The following LOC400499 variants were observed in gnomAD, a reference collection of about 807,000 sequenced individuals.
At chr16:11,393,003 C>G in the LOC400499 span, among the ~76,000 whole-genome samples, 1 of 152,228 alleles carries the variant, frequency 6.6e-6, no homozygotes, top group East Asian at 1.9e-4. Context: ...TACAGGCACC[C>G]GCTACTGTGC....
At chr16:11,390,281 G>T in the LOC400499 span, 1 of 1,232,722 alleles carries the variant, frequency 8.1e-7, no homozygotes. Flanking sequence ...TCACTCACCA[G>T]CTCCAGGGCT....
the LOC400499 span, among the ~76,000 whole-genome samples, chr16:11,516,899 A>C: frequency 1.3e-5 from 2 of 152,204 alleles, no homozygotes; most frequent in Non-Finnish European, 2.9e-5. Flanking sequence ...CTCCAGCCTC[A>C]GCCTCCAAAG....
At chr16:11,521,103 T>C in the LOC400499 span, among the ~76,000 whole-genome samples, 1 of 152,306 alleles carries the variant, frequency 6.6e-6, no homozygotes, top group South Asian at 2.1e-4. Flanking sequence ...CTCTGACATA[T>C]TGGACACTTT....
chr16:11,407,967 G>C, the LOC400499 span, among the ~76,000 whole-genome samples: 82 of 136,410 alleles, frequency 6.0e-4, no homozygotes, highest in African/African-American at 2.3e-3. Context: ...ATGTTCCAGA[G>C]CTGTTTTTTT....
At chr16:11,378,631 A>G in the LOC400499 span, among the ~76,000 whole-genome samples, 305 of 152,268 alleles carry the variant, frequency 2.0e-3, 1 homozygote, top group Non-Finnish European at 3.6e-3. Flanking sequence ...GCTGCATCCC[A>G]TAAGATTTCA....
the LOC400499 span, chr16:11,449,013 G>C: frequency 3.3e-6 from 5 of 1,524,474 alleles, no homozygotes; most frequent in South Asian, 2.4e-5. Context: ...GCTGTTCTCA[G>C]CATGGATCTC....
chr16:11,419,108 G>GAGCTTGCAA, the LOC400499 span, among the ~76,000 whole-genome samples: 580 of 151,604 alleles, frequency 3.8e-3, 5 homozygotes, highest in African/African-American at 0.014. Flanking sequence ...GGAGCTTGCA[G>GAGCTTGCAA]TGAGCCGAGA....
the LOC400499 span, among the ~76,000 whole-genome samples, chr16:11,409,609 C>T: frequency 6.6e-6 from 1 of 152,126 alleles, no homozygotes; most frequent in Non-Finnish European, 1.5e-5. Context: ...TGGCCTGCAT[C>T]CCGGATTTAA....
chr16:11,509,878 A>G, the LOC400499 span, among the ~76,000 whole-genome samples: 449 of 151,946 alleles, frequency 3.0e-3, 4 homozygotes, highest in Non-Finnish European at 4.9e-3. Flanking sequence ...AAACAGACAC[A>G]GTTGCCTATG....
At chr16:11,387,961 T>C in the LOC400499 span, among the ~76,000 whole-genome samples, 3 of 152,160 alleles carry the variant, frequency 2.0e-5, 1 homozygote, top group East Asian at 5.8e-4. Flanking sequence ...AGGGGAGGAC[T>C]GGAACTTTCT....
At chr16:11,421,516 C>G in the LOC400499 span, among the ~76,000 whole-genome samples, 1 of 152,142 alleles carries the variant, frequency 6.6e-6, no homozygotes, top group African/African-American at 2.4e-5. Flanking sequence ...ATTCTCCTGC[C>G]TCCGCCTCCC....
chr16:11,525,659 T>A, the LOC400499 span, among the ~76,000 whole-genome samples: 1 of 152,172 alleles, frequency 6.6e-6, no homozygotes, highest in African/African-American at 2.4e-5. Context: ...AGACAATCCC[T>A]ACATCTGCTT....
chr16:11,388,864 G>C, the LOC400499 span, among the ~76,000 whole-genome samples: 1,853 of 152,292 alleles, frequency 0.012, 20 homozygotes, highest in Middle Eastern at 0.092. Flanking sequence ...GAGAGGCCAA[G>C]TTGCTTGAGC....
At chr16:11,407,519 C>A in the LOC400499 span, among the ~76,000 whole-genome samples, 2 of 152,230 alleles carry the variant, frequency 1.3e-5, no homozygotes, top group Non-Finnish European at 2.9e-5. Context: ...TTTGGAGCCT[C>A]AGGTTAGGCC....
chr16:11,426,697 G>C, the LOC400499 span, among the ~76,000 whole-genome samples: 2 of 151,692 alleles, frequency 1.3e-5, no homozygotes, highest in Non-Finnish European at 2.9e-5. Flanking sequence ...GGGAAGTTGA[G>C]GTAGGAGGAT....
At chr16:11,387,410 G>T in the LOC400499 span, 5 of 832,008 alleles carry the variant, frequency 6.0e-6, no homozygotes, top group Non-Finnish European at 6.4e-6. Flanking sequence ...GCATGAGGGT[G>T]CCTTTCAGGG....
chr16:11,505,681 T>C, the LOC400499 span, among the ~76,000 whole-genome samples: 1 of 151,912 alleles, frequency 6.6e-6, no homozygotes, highest in Non-Finnish European at 1.5e-5. Flanking sequence ...CCCCTGGGGT[T>C]TAAGTGATCC....
the LOC400499 span, chr16:11,439,576 C>A: frequency 3.0e-5 from 12 of 398,998 alleles, no homozygotes; most frequent in African/African-American, 1.9e-4. Context: ...TCAGCTGGAC[C>A]GAGGCCTGTT....
chr16:11,496,239 G>C, the LOC400499 span, among the ~76,000 whole-genome samples: 1 of 151,890 alleles, frequency 6.6e-6, no homozygotes, highest in Non-Finnish European at 1.5e-5. Flanking sequence ...GCTAATTTTT[G>C]TATTTTTAGT....
Sources: gnomAD v4.1 joint callset for allele counts (sites outside exome capture counted in the v4.1 genomes callset) on GRCh38, gnomAD v4.1.1 for gene constraint, MANE v1.5 for transcripts.